PCLO: variants seen among roughly 807,000 people sequenced by gnomAD.
The protein encoded by PCLO is protein piccolo.
A neutral mutation model predicts 427.5 loss-of-function variants in PCLO; 82 were observed. That is an observed-to-expected ratio of 0.19 (90% CI 0.16 to 0.23). The LOEUF (loss-of-function observed/expected upper bound fraction) is 0.23. Ranked by LOEUF, PCLO falls within the 10% of genes least tolerant of loss-of-function variation. The pLI is 1.00. For synonymous variants in PCLO, 2,357 were observed against 2,155.4 expected (o/e 1.09, Z -2.59); for missense variants, 6,239 against 6,115.9 (o/e 1.02, Z -0.67).
At chr7:83,047,395 T>C (rs1020893479) in intron 3 of PCLO, among the ~76,000 whole-genome samples, 3 of 151,994 alleles carry the variant, frequency 2.0e-5, no homozygotes, top group African/African-American at 7.2e-5. Context: ...TACAATACAT[T>C]ATTATAAAAT....
chr7:83,002,209 T>C (rs1323438416), intron 3 of PCLO, among the ~76,000 whole-genome samples: 2 of 151,954 alleles, frequency 1.3e-5, no homozygotes, highest in Non-Finnish European at 2.9e-5. Context: ...CTATTATCTA[T>C]ATTCCTAACT....
At position 83,162,566 on chromosome 7, in the gene PCLO, C is replaced by T; in HGVS notation, c.27G>A (p.Gly9=). ...CCGCCAGCCCTTCGGGGAGCCCTTC[C>T]CCTTCCAAGCTCGCCTCGTTGCCCA... MGNEASLE[G]EGLPEGLAAA... is the part of the protein sequence containing the mutation. The change falls in exon 1 of 25, where the codon GGG becomes GGA. Residue 9 remains glycine (G), a synonymous_variant. Transcript: ENST00000333891. 2 of 1,549,704 alleles carry T rather than the reference C, an allele frequency of 1.3e-6. No individual in the cohort carries two copies. Among genetic ancestry groups the T allele is most frequent in the Non-Finnish European group, 1.7e-6 (2 of 1,148,632 alleles).
rs577349767 is a variant in PCLO at position 82,939,659 on chromosome 7, A to G, written c.11112+9817T>C. On this transcript the variant is annotated intron_variant, in intron 6 of 24. Transcript: ENST00000333891. ...TTTTCCACTGGAAATATATATATAT[A>G]TAGAGAGAGAGAGAAATAGATATAG... 3.0e-4 allele frequency among the ~76,000 whole-genome samples: 44 copies of G among 146,510 alleles called. 2 individuals carry two copies. In the South Asian group the frequency reaches 8.6e-3, roughly 29 times the overall value.
At chr7:82,809,507 C>T (rs527884605) in intron 20 of PCLO, among the ~76,000 whole-genome samples, 1 of 151,760 alleles carries the variant, frequency 6.6e-6, no homozygotes, top group East Asian at 1.9e-4. Flanking sequence ...AGCACATACT[C>T]TGTCGTTATT....
chr7:82,777,283 G>A (rs918691717), intron 22 of PCLO, among the ~76,000 whole-genome samples: 1 of 152,138 alleles, frequency 6.6e-6, no homozygotes, highest in African/African-American at 2.4e-5. Flanking sequence ...AACATCCCAT[G>A]CTCACGGATA....
In PCLO at chr7:83,135,368, A is replaced by T; in HGVS notation, c.2182T>A (p.Ser728Thr). The T allele has an allele frequency of 6.2e-7, 1 of 1,613,982 alleles. No individual in the cohort carries two copies. The highest frequency in any genetic ancestry group is 1.1e-5 in the South Asian group (1 of 91,084). Residue 728 changes from serine (S) to threonine (T), a missense_variant, in exon 3 of 25, where the codon TCT (serine) becomes ACT (threonine). Ser to Thr is a moderately conservative substitution (Grantham distance 58). Transcript: ENST00000333891. ...AKAKQPPEAD[S>T]LSKPAPPKEP... Reference sequence around the variant, plus strand: ...TTGGGAGGGGCTGGCTTGGACAAAGAATCTGCCTCAGGGGGCTGCTTGGCC... The same window carrying T: ...TTGGGAGGGGCTGGCTTGGACAAAGTATCTGCCTCAGGGGGCTGCTTGGCC...
intron 18 of PCLO, among the ~76,000 whole-genome samples, chr7:82,824,809 C>T (rs1399934070): frequency 2.0e-5 from 3 of 151,506 alleles, no homozygotes; most frequent in Non-Finnish European, 2.9e-5. Context: ...ATTAGCTGGG[C>T]GTGGTGGCGG....
intron 3 of PCLO, among the ~76,000 whole-genome samples, chr7:83,074,941 C>A (rs1789913461): frequency 6.6e-6 from 1 of 152,064 alleles, no homozygotes; most frequent in African/African-American, 2.4e-5. Flanking sequence ...GTGGTAATCA[C>A]AAAATATCAC....
intron 20 of PCLO, among the ~76,000 whole-genome samples, chr7:82,814,652 C>T (rs1254718715): frequency 1.3e-5 from 2 of 151,460 alleles, no homozygotes; most frequent in African/African-American, 4.8e-5. Context: ...ATAAATAAAA[C>T]ATTAAAACAA....
chr7:83,010,851 T>A (rs1489816400), intron 3 of PCLO, among the ~76,000 whole-genome samples: 1 of 152,052 alleles, frequency 6.6e-6, no homozygotes, highest in Admixed American at 6.6e-5. Flanking sequence ...CCTTCAATAA[T>A]TTATTTGCTT....
chr7:82,896,793 A>C (rs76435988), intron 9 of PCLO, among the ~76,000 whole-genome samples: 5,956 of 151,776 alleles, frequency 0.039, 401 homozygotes, highest in African/African-American at 0.13. Flanking sequence ...TAATGCAGAA[A>C]AGAAAATGAG....
chr7:83,097,381 G>C (rs1790615493), intron 3 of PCLO, among the ~76,000 whole-genome samples: 1 of 145,436 alleles, frequency 6.9e-6, no homozygotes, highest in Non-Finnish European at 1.5e-5. Flanking sequence ...AATTAGCCAG[G>C]CATGGTGGCG....
At chr7:83,071,070 T>C (rs561534805) in intron 3 of PCLO, among the ~76,000 whole-genome samples, 2 of 152,184 alleles carry the variant, frequency 1.3e-5, no homozygotes, top group Admixed American at 6.5e-5. Flanking sequence ...ACATGAAATA[T>C]GCCATTTTAA....
intron 10 of PCLO, among the ~76,000 whole-genome samples, chr7:82,850,847 A>G (rs1792635382): frequency 6.6e-6 from 1 of 152,206 alleles, no homozygotes; most frequent in South Asian, 2.1e-4. Flanking sequence ...AATTGGAAAT[A>G]TCTAAGCAAT....
chr7:82,861,626 A>C (rs1172566006), intron 10 of PCLO, among the ~76,000 whole-genome samples: 1 of 152,036 alleles, frequency 6.6e-6, no homozygotes, highest in East Asian at 1.9e-4. Flanking sequence ...TATAGACCAA[A>C]TGGATCCAAT....
rs1254339317 is a variant in PCLO, at chr7:82,892,751, C to A, written c.13528+9900G>T. 6.6e-5 allele frequency among the ~76,000 whole-genome samples: 10 copies of A among 151,898 alleles called. No individual in the cohort carries two copies. The East Asian group carries it at 1.6e-3, about 24-fold the overall frequency. The stretch of plus-strand genomic sequence containing the variant: ...TACAAGAAAAAAACAACCCCATCAA[C>A]AAGTGGGGGAAGGATATGAACAGAC... On this transcript the variant is annotated intron_variant, in intron 9 of 24. Coordinates refer to ENST00000333891, the MANE Select transcript of PCLO (RefSeq NM_033026.6).
Position 82,908,364 on chromosome 7 carries a change from C to T in PCLO, c.13437+513G>A, listed in dbSNP as rs553521081. On this transcript the variant is annotated intron_variant, in intron 8 of 24. Transcript: ENST00000333891. ...TATCTACTTTATGTGAGTTGTTCCACATATAAAATTCAAAAATACATAACA... is the reference window on the plus strand; with the variant it reads ...TATCTACTTTATGTGAGTTGTTCCATATATAAAATTCAAAAATACATAACA... 6.6e-5 allele frequency among the ~76,000 whole-genome samples: 10 copies of T among 152,198 alleles called. No individual in the cohort carries two copies. The East Asian group carries it at 1.7e-3, about 27-fold the overall frequency.
Position 82,827,396 on chromosome 7 carries a change from A to T in PCLO, c.14343+477T>A, listed in dbSNP as rs147513367. 2.0e-3 allele frequency among the ~76,000 whole-genome samples: 302 copies of T among 152,140 alleles called. 5 individuals are homozygous for T. Among genetic ancestry groups the T allele is most frequent in the African/African-American group, 6.9e-3 (285 of 41,548 alleles). ...CATCATTTTGCCTTCTTCTGTAGAGATTAGCACCACAATGCCAGATTCTTA... is the reference window on the plus strand; with the variant it reads ...CATCATTTTGCCTTCTTCTGTAGAGTTTAGCACCACAATGCCAGATTCTTA... On this transcript the variant is annotated intron_variant, in intron 17 of 24. Coordinates refer to ENST00000333891, the MANE Select transcript of PCLO (RefSeq NM_033026.6).
intron 18 of PCLO, among the ~76,000 whole-genome samples, chr7:82,825,730 GTA>G (rs1217802570): frequency 6.9e-6 from 1 of 145,594 alleles, no homozygotes; most frequent in Non-Finnish European, 1.5e-5. Flanking sequence ...ACACTGTATA[GTA>G]TATATTATAC....
Sources: allele counts gnomAD v4.1 joint callset (sites outside exome capture counted in the v4.1 genomes callset), GRCh38; gene constraint gnomAD v4.1.1; transcripts MANE v1.5; gene names NCBI Gene and HGNC (gene_info 2026-07-23, HGNC 2026-07-21).